PTDSS1: variants seen among roughly 807,000 people sequenced by gnomAD.
PTDSS1 encodes PSS-1.
In PTDSS1, 45 loss-of-function variants were observed where a neutral mutation model predicts 70.5. The ratio of observed to expected loss-of-function variants is 0.64; its 90% CI spans 0.50 to 0.82. PTDSS1 has a LOEUF of 0.82. Ranked by LOEUF, PTDSS1 falls within the 40% of genes least tolerant of loss-of-function variation. The pLI, the probability that PTDSS1 is intolerant of heterozygous loss-of-function variation, is 0.00. For missense variants in PTDSS1, 417 were observed against 586.1 expected (o/e 0.71, Z 2.98); for synonymous variants, 188 against 203.8 (o/e 0.92, Z 0.66).
chr8:96,278,972 C>CTTT (rs36085094), intron 2 of PTDSS1, among the ~76,000 whole-genome samples: 65 of 122,634 alleles, frequency 5.3e-4, no homozygotes, highest in Non-Finnish European at 6.8e-4. Context: ...TTCAGCCCCC[C>CTTT]TTTTTTTTTT....
intron 9 of PTDSS1, among the ~76,000 whole-genome samples, chr8:96,317,240 C>T (rs942291829): frequency 6.6e-6 from 1 of 151,988 alleles, no homozygotes; most frequent in Non-Finnish European, 1.5e-5. Flanking sequence ...CCTGGCCCTT[C>T]CTTGTGCCTT....
At position 96,261,934 on chromosome 8, in the gene PTDSS1, C is replaced by T; in HGVS notation, c.-107C>T. The T allele has an allele frequency of 8.1e-7, 1 of 1,233,454 alleles. No individual in the cohort carries two copies. Among genetic ancestry groups the T allele is most frequent in the East Asian group, 2.6e-5 (1 of 37,998 alleles). 76.4% of individuals were successfully genotyped at this position (1,233,454 alleles called of 1,614,324 possible). A position where few individuals can be genotyped will look rare whatever the true frequency, so the allele number is the denominator to read the frequency against. On this transcript the variant is annotated 5_prime_UTR_variant, in exon 1 of 13. Transcript: ENST00000517309. ...CTCCCAGCCTTTGCTGGGCGCCAGACCCGGCTTTGCCGTCCGGCTATTAGC... is the reference window on the plus strand; with the variant it reads ...CTCCCAGCCTTTGCTGGGCGCCAGATCCGGCTTTGCCGTCCGGCTATTAGC...
intron 10 of PTDSS1, among the ~76,000 whole-genome samples, chr8:96,326,964 C>T (rs931109013): frequency 2.9e-4 from 44 of 152,128 alleles, no homozygotes; most frequent in African/African-American, 1.0e-3. Context: ...GACTTGAGTG[C>T]CACTCCAAAG....
chr8:96,289,546 G>A (rs1426153036), intron 4 of PTDSS1, among the ~76,000 whole-genome samples: 1 of 152,136 alleles, frequency 6.6e-6, no homozygotes, highest in Admixed American at 6.5e-5. Context: ...ACCAAATTAT[G>A]TATTTATTAT....
chr8:96,286,401 T>C (rs1342906839), intron 3 of PTDSS1, among the ~76,000 whole-genome samples: 1 of 152,202 alleles, frequency 6.6e-6, no homozygotes, highest in Non-Finnish European at 1.5e-5. Flanking sequence ...AATAAAATAA[T>C]GCCTACACGG....
At chr8:96,282,133 A>G (rs1810747275) in intron 2 of PTDSS1, among the ~76,000 whole-genome samples, 1 of 152,224 alleles carries the variant, frequency 6.6e-6, no homozygotes, top group Non-Finnish European at 1.5e-5. Flanking sequence ...TTATATCTAA[A>G]AGGTTAATTT....
chr8:96,281,994 A>G (rs1313121788), intron 2 of PTDSS1, among the ~76,000 whole-genome samples: 2 of 152,180 alleles, frequency 1.3e-5, no homozygotes, highest in Non-Finnish European at 2.9e-5. Context: ...TCCTGTCGTT[A>G]TGATTGCTCT....
chr8:96,280,725 A>G (rs1179148968), intron 2 of PTDSS1, among the ~76,000 whole-genome samples: 1 of 152,202 alleles, frequency 6.6e-6, no homozygotes, highest in Non-Finnish European at 1.5e-5. Flanking sequence ...CAACATAAGC[A>G]AGAGAGTAAG....
chr8:96,272,519 T>G (rs1810580947), intron 1 of PTDSS1, among the ~76,000 whole-genome samples: 1 of 152,178 alleles, frequency 6.6e-6, no homozygotes, highest in Non-Finnish European at 1.5e-5. Context: ...GACAGATCAT[T>G]TTTTCATGAG....
intron 2 of PTDSS1, among the ~76,000 whole-genome samples, chr8:96,276,211 C>CG (rs1047765845): frequency 1.2e-4 from 19 of 152,356 alleles, no homozygotes; most frequent in African/African-American, 4.1e-4. Context: ...CGTCCCTTCT[C>CG]TAAGTCTTTA....
Position 96,275,998 on chromosome 8 carries a change from C to T in PTDSS1, c.271+2608C>T, listed in dbSNP as rs142028200. Among the ~76,000 whole-genome samples, 5 of 152,348 alleles carry T rather than the reference C, an allele frequency of 3.3e-5. No individual in the cohort carries two copies. In the East Asian group the frequency reaches 9.7e-4, roughly 29 times the overall value. ...TGTCCTCAGGAAACTGATCAGTGCA[C>T]AGGTATCAGGTCTGTTCTTTAAGTC... On this transcript the variant is annotated intron_variant, in intron 2 of 12. Coordinates refer to ENST00000517309, the MANE Select transcript of PTDSS1 (RefSeq NM_014754.3).
intron 4 of PTDSS1, among the ~76,000 whole-genome samples, chr8:96,294,733 C>T (rs974402555): frequency 2.0e-5 from 3 of 152,128 alleles, no homozygotes; most frequent in African/African-American, 7.2e-5. Flanking sequence ...GTTTAAATTT[C>T]CAAATCTATT....
chr8:96,283,200 C>T (rs1810767809), intron 2 of PTDSS1, among the ~76,000 whole-genome samples: 1 of 152,186 alleles, frequency 6.6e-6, no homozygotes, highest in South Asian at 2.1e-4. Context: ...CAAAATGAGC[C>T]CTACCTGTAA....
intron 1 of PTDSS1, among the ~76,000 whole-genome samples, chr8:96,271,926 CT>C: frequency 6.6e-6 from 1 of 152,122 alleles, no homozygotes; most frequent in Non-Finnish European, 1.5e-5. Flanking sequence ...GGTTGACCAT[CT>C]TTTCACTTCT....
At chr8:96,330,335 G>A (rs569207691) in intron 11 of PTDSS1, 54 bp downstream of exon 11, 117 of 1,532,474 alleles carry the variant, frequency 7.6e-5, no homozygotes, top group South Asian at 1.5e-4. Context: ...CCCCGGGCTC[G>A]GCAAATTCGC....
intron 6 of PTDSS1, among the ~76,000 whole-genome samples, chr8:96,301,289 T>C (rs1166451113): frequency 6.6e-6 from 1 of 151,750 alleles, no homozygotes; most frequent in Non-Finnish European, 1.5e-5. Context: ...AGAGATGGGG[T>C]TTCACCATGT....
chr8:96,300,314 T>G (rs1586197430), intron 6 of PTDSS1, among the ~76,000 whole-genome samples: 1 of 152,126 alleles, frequency 6.6e-6, no homozygotes, highest in African/African-American at 2.4e-5. Context: ...ATTACCCCAG[T>G]AGGGAGATCC....
intron 9 of PTDSS1, among the ~76,000 whole-genome samples, chr8:96,318,170 C>A (rs1454039672): frequency 1.3e-5 from 2 of 151,986 alleles, no homozygotes; most frequent in Non-Finnish European, 2.9e-5. Context: ...ACTAAAAATA[C>A]AAAAATTAGC....
intron 10 of PTDSS1, among the ~76,000 whole-genome samples, chr8:96,328,732 G>T (rs922964164): frequency 3.3e-5 from 5 of 152,132 alleles, no homozygotes; most frequent in Non-Finnish European, 7.4e-5. Flanking sequence ...AGGAAATGTC[G>T]CTGATAAAGG....
Sources: allele counts gnomAD v4.1 joint callset (sites outside exome capture counted in the v4.1 genomes callset), GRCh38; gene constraint gnomAD v4.1.1; transcripts MANE v1.5; gene names NCBI Gene and HGNC (gene_info 2026-07-23, HGNC 2026-07-21).